Variants in PPP2R2B observed in about 807,000 individuals in gnomAD.
PPP2R2B encodes protein phosphatase 2 regulatory subunit Bbeta.
A neutral mutation model predicts 46.0 loss-of-function variants in PPP2R2B; 5 were observed. The ratio of observed to expected loss-of-function variants is 0.11; its 90% CI spans 0.06 to 0.23. The LOEUF (loss-of-function observed/expected upper bound fraction) is 0.23, where lower values mean the gene tolerates loss of function less well. Ranked by LOEUF, PPP2R2B falls within the 10% of genes least tolerant of loss-of-function variation. PPP2R2B has a pLI of 1.00. For synonymous variants in PPP2R2B, 215 were observed against 206.7 expected, an observed-to-expected ratio of 1.04 and a Z score of -0.34; for missense variants, 367 against 575.0, an observed-to-expected ratio of 0.64 and a Z score of 3.70.
chr5:146,767,529 C>CAT (rs1754560760), intron 2 of PPP2R2B, among the ~76,000 whole-genome samples: 2 of 148,508 alleles, frequency 1.3e-5, no homozygotes, highest in South Asian at 4.2e-4. Context: ...GACTCCAATA[C>CAT]ACACATACAT....
intron 1 of PPP2R2B, among the ~76,000 whole-genome samples, chr5:147,023,288 A>G (rs1036713132): frequency 6.6e-6 from 1 of 152,190 alleles, no homozygotes; most frequent in Non-Finnish European, 1.5e-5. Context: ...ATAGCAAGGA[A>G]TTCAGTAGAG....
chr5:146,808,624 G>A (rs926099189), intron 2 of PPP2R2B, among the ~76,000 whole-genome samples: 2 of 152,154 alleles, frequency 1.3e-5, no homozygotes, highest in African/African-American at 4.8e-5. Flanking sequence ...TAGAAGCCGG[G>A]GCTCTGGCGT....
chr5:146,965,512 C>G (rs1752360596), intron 1 of PPP2R2B, among the ~76,000 whole-genome samples: 1 of 152,096 alleles, frequency 6.6e-6, no homozygotes, highest in South Asian at 2.1e-4. Flanking sequence ...AAAATAATGA[C>G]AGTGTGCCCT....
At chr5:146,615,733 A>G (rs1014113395) in intron 7 of PPP2R2B, among the ~76,000 whole-genome samples, 4 of 152,114 alleles carry the variant, frequency 2.6e-5, no homozygotes, top group African/African-American at 9.7e-5. Context: ...CACTGATGAA[A>G]GAAAAGGAAG....
intron 1 of PPP2R2B, among the ~76,000 whole-genome samples, chr5:147,014,739 TA>T (rs1267224680): frequency 1.5e-5 from 1 of 64,858 alleles, no homozygotes; most frequent in African/African-American, 6.3e-5. Flanking sequence ...TGTTGTGGGG[TA>T]GGGGGAGGGG....
At chr5:147,073,415 A>G (rs1397225394) in intron 2 of PPP2R2B, among the ~76,000 whole-genome samples, 3 of 152,118 alleles carry the variant, frequency 2.0e-5, no homozygotes, top group Non-Finnish European at 4.4e-5. Context: ...ATCTTGCACA[A>G]CTTGTTCATA....
At chr5:146,781,570 G>T (rs1755533477) in intron 2 of PPP2R2B, among the ~76,000 whole-genome samples, 1 of 150,536 alleles carries the variant, frequency 6.6e-6, no homozygotes, top group Non-Finnish European at 1.5e-5. Context: ...CTCAGGCAAG[G>T]CATTTTTCAT....
intron 2 of PPP2R2B, among the ~76,000 whole-genome samples, chr5:146,801,055 T>C (rs1582134196): frequency 6.6e-6 from 1 of 152,146 alleles, no homozygotes; most frequent in African/African-American, 2.4e-5. Context: ...GAGGACATTA[T>C]GCAAAGTGAA....
chr5:146,869,798 G>A (rs1053052132), intron 2 of PPP2R2B, among the ~76,000 whole-genome samples: 1 of 152,144 alleles, frequency 6.6e-6, no homozygotes, highest in African/African-American at 2.4e-5. Context: ...AGAGGGAAAT[G>A]TGAATTATAA....
intron 5 of PPP2R2B, among the ~76,000 whole-genome samples, chr5:146,677,218 G>C (rs572986793): frequency 6.6e-6 from 1 of 152,234 alleles, no homozygotes; most frequent in East Asian, 1.9e-4. Flanking sequence ...CAGAGTTTTC[G>C]CTTTGTATCT....
intron 8 of PPP2R2B, among the ~76,000 whole-genome samples, chr5:146,597,700 TACA>T (rs1411825153): frequency 6.6e-6 from 1 of 152,228 alleles, no homozygotes; most frequent in Non-Finnish European, 1.5e-5. Flanking sequence ...CCTACCACCC[TACA>T]ACATTTCTCT....
intron 2 of PPP2R2B, among the ~76,000 whole-genome samples, chr5:146,815,605 A>G (rs1255014440): frequency 1.3e-5 from 2 of 152,248 alleles, no homozygotes; most frequent in Non-Finnish European, 2.9e-5. Flanking sequence ...TGTTCTGCCT[A>G]AAGGCATTTG....
At chr5:146,646,974 A>T (rs1465858509) in intron 6 of PPP2R2B, among the ~76,000 whole-genome samples, 1 of 152,176 alleles carries the variant, frequency 6.6e-6, no homozygotes, top group Admixed American at 6.5e-5. Flanking sequence ...TTATACAGCC[A>T]GAAAAGTGGT....
At chr5:146,927,490 A>T (rs1339717939) in intron 1 of PPP2R2B, among the ~76,000 whole-genome samples, 1 of 152,218 alleles carries the variant, frequency 6.6e-6, no homozygotes, top group African/African-American at 2.4e-5. Context: ...AAAAGCATTC[A>T]GTGAACTCTC....
chr5:147,062,043 T>C (rs1757274676), intron 2 of PPP2R2B, among the ~76,000 whole-genome samples: 1 of 152,214 alleles, frequency 6.6e-6, no homozygotes, highest in Non-Finnish European at 1.5e-5. Flanking sequence ...TGTGCCATAA[T>C]GACATTTCAG....
At chr5:146,869,491 A>G (rs935844896) in intron 2 of PPP2R2B, among the ~76,000 whole-genome samples, 12 of 152,224 alleles carry the variant, frequency 7.9e-5, no homozygotes, top group Non-Finnish European at 1.8e-4. Context: ...TGATATGGAA[A>G]AATCTTGAAG....
At chr5:146,935,912 T>C (rs1764124301) in intron 1 of PPP2R2B, among the ~76,000 whole-genome samples, 1 of 152,174 alleles carries the variant, frequency 6.6e-6, no homozygotes, top group East Asian at 1.9e-4. Context: ...AGGCAAGTTA[T>C]GCCACTTCTA....
chr5:147,017,908 A>G (rs1755078612), intron 1 of PPP2R2B, among the ~76,000 whole-genome samples: 1 of 152,114 alleles, frequency 6.6e-6, no homozygotes, highest in South Asian at 2.1e-4. Flanking sequence ...GGAAAGGTAA[A>G]GCAATGTCTT....
intron 2 of PPP2R2B, among the ~76,000 whole-genome samples, chr5:146,826,884 A>C (rs140470810): frequency 3.4e-4 from 51 of 152,218 alleles, no homozygotes; most frequent in African/African-American, 1.2e-3. Flanking sequence ...ATTGCCCTGG[A>C]ATATCTGTTT....
Sources: allele counts gnomAD v4.1 joint callset (sites outside exome capture counted in the v4.1 genomes callset), GRCh38; gene constraint gnomAD v4.1.1; transcripts MANE v1.5; gene names NCBI Gene and HGNC (gene_info 2026-07-23, HGNC 2026-07-21).